ESCO1: variants seen among roughly 807,000 people sequenced by gnomAD.
The protein encoded by ESCO1 is N-acetyltransferase ESCO1.
Under a neutral mutation model 83.5 loss-of-function variants are expected in ESCO1, and 33 were observed. That is an observed-to-expected ratio of 0.40 (90% CI 0.30 to 0.53). ESCO1 has a LOEUF of 0.53. Among genes scored for constraint, ESCO1 ranks in the 20% least tolerant of loss-of-function variants. The probability of loss-of-function intolerance (pLI) is 0.63; values close to 1 mark genes in which losing one functional copy is unlikely to be tolerated. For synonymous variants in ESCO1, 332 were observed against 324.3 expected (o/e 1.02, Z -0.25); for missense variants, 855 against 968.0 (o/e 0.88, Z 1.55).
chr18:21,583,221 T>C (rs2038527751), intron 2 of ESCO1, among the ~76,000 whole-genome samples: 2 of 151,760 alleles, frequency 1.3e-5, no homozygotes, highest in African/African-American at 4.8e-5. Flanking sequence ...AAACTACTAA[T>C]AGTAAACAAT....
chr18:21,550,371 C>G (rs1342495874), intron 8 of ESCO1, among the ~76,000 whole-genome samples: 2 of 152,326 alleles, frequency 1.3e-5, no homozygotes, highest in East Asian at 3.9e-4. Context: ...AACCTTACGA[C>G]TATATGAATA....
intron 8 of ESCO1, among the ~76,000 whole-genome samples, chr18:21,555,213 T>C (rs565588155): frequency 6.6e-6 from 1 of 152,144 alleles, no homozygotes; most frequent in South Asian, 2.1e-4. Flanking sequence ...CTAGAAAAGG[T>C]AAAACTATGG....
chr18:21,573,641 A>C lies in ESCO1; in HGVS notation c.1203T>G (p.Ser401=). The C allele has an allele frequency of 6.2e-7, 1 of 1,614,170 alleles. No homozygotes were observed. The highest frequency in any genetic ancestry group is 8.5e-7 in the Non-Finnish European group (1 of 1,180,020). The change falls in exon 4 of 12, where the codon TCT becomes TCG. Residue 401 remains serine, a synonymous_variant. Coordinates refer to ENST00000269214, the MANE Select transcript of ESCO1 (RefSeq NM_052911.3). The part of the protein sequence containing the change: ...WTKIKLSKFN[S]VQHNKLDSQV... ...GAGAGTCCAACTTATTGTGCTGCAC[A>C]GAGTTAAATTTTGAGAGTTTAATTT...
chr18:21,569,508 G>A (rs1331128806), intron 4 of ESCO1, among the ~76,000 whole-genome samples: 1 of 152,220 alleles, frequency 6.6e-6, no homozygotes, highest in African/African-American at 2.4e-5. Context: ...CACTTTGGGA[G>A]GCCCAAGCAG....
At chr18:21,551,325 C>T (rs1242747935) in intron 8 of ESCO1, among the ~76,000 whole-genome samples, 2 of 151,480 alleles carry the variant, frequency 1.3e-5, no homozygotes, top group Non-Finnish European at 2.9e-5. Flanking sequence ...AAAAAATTAG[C>T]CAGGCGTAGT....
chr18:21,576,590 T>G (rs1365140531), intron 2 of ESCO1, among the ~76,000 whole-genome samples: 1 of 152,022 alleles, frequency 6.6e-6, no homozygotes, highest in African/African-American at 2.4e-5. Context: ...AATTTAGAAG[T>G]ACAGATGCTA....
chr18:21,540,481 T>G (rs2037891753), intron 8 of ESCO1: 1 of 999,022 alleles, frequency 1.0e-6, no homozygotes, highest in African/African-American at 1.8e-5. Context: ...AATGAACTGA[T>G]TTGCATGCAG....
At chr18:21,591,176 A>G (rs1483259628) in intron 1 of ESCO1, among the ~76,000 whole-genome samples, 3 of 152,338 alleles carry the variant, frequency 2.0e-5, no homozygotes, top group East Asian at 1.9e-4. Context: ...CCTAAATCCA[A>G]TAACAAATAT....
intron 1 of ESCO1, among the ~76,000 whole-genome samples, chr18:21,594,127 A>G (rs2038726301): frequency 6.6e-6 from 1 of 152,300 alleles, no homozygotes; most frequent in African/African-American, 2.4e-5. Context: ...ATCTCTAGAC[A>G]CTACAAAATG....
At chr18:21,560,760 C>G in intron 8 of ESCO1, 99 bp downstream of exon 8, 1 of 1,439,222 alleles carries the variant, frequency 6.9e-7, no homozygotes, top group African/African-American at 1.4e-5. Flanking sequence ...CTCTTAAAAA[C>G]ATAAATTTTT....
intron 8 of ESCO1, among the ~76,000 whole-genome samples, chr18:21,541,692 T>C (rs568543442): frequency 6.6e-6 from 1 of 152,102 alleles, no homozygotes; most frequent in East Asian, 1.9e-4. Context: ...ATCACCTCTT[T>C]AAAAACAAAT....
chr18:21,554,496 G>A (rs1294322257), intron 8 of ESCO1, among the ~76,000 whole-genome samples: 1 of 152,176 alleles, frequency 6.6e-6, no homozygotes, highest in African/African-American at 2.4e-5. Flanking sequence ...GCCCAGCTCA[G>A]TGGCTCATGC....
chr18:21,531,744 AG>A (rs1486573642), intron 11 of ESCO1, among the ~76,000 whole-genome samples: 1 of 151,830 alleles, frequency 6.6e-6, no homozygotes, highest in Non-Finnish European at 1.5e-5. Flanking sequence ...ACTTGAGACC[AG>A]GAGTTCGAGA....
At chr18:21,551,347 T>C (rs115847955) in intron 8 of ESCO1, among the ~76,000 whole-genome samples, 96 of 147,604 alleles carry the variant, frequency 6.5e-4, no homozygotes, top group African/African-American at 2.4e-3. Context: ...GCGGCACCTG[T>C]AGGAACCTGG....
chr18:21,561,346 G>T (rs2038183518), intron 7 of ESCO1, among the ~76,000 whole-genome samples: 1 of 152,142 alleles, frequency 6.6e-6, no homozygotes, highest in Non-Finnish European at 1.5e-5. Context: ...AGAGGAAAAA[G>T]TTTTTTTGAT....
chr18:21,548,630 T>G (rs1248088500), intron 8 of ESCO1, among the ~76,000 whole-genome samples: 1 of 151,504 alleles, frequency 6.6e-6, no homozygotes, highest in East Asian at 2.0e-4. Context: ...AATATCCATC[T>G]CAAAAAAAAT....
chr18:21,565,847 A>G (rs1029242555), intron 6 of ESCO1, among the ~76,000 whole-genome samples: 2 of 152,108 alleles, frequency 1.3e-5, no homozygotes, highest in Non-Finnish European at 2.9e-5. Flanking sequence ...CTGAGGCAGA[A>G]GGATCACTTG....
At chr18:21,588,253 C>T (rs565760260) in intron 1 of ESCO1, among the ~76,000 whole-genome samples, 1 of 152,110 alleles carries the variant, frequency 6.6e-6, no homozygotes, top group East Asian at 1.9e-4. Context: ...AGACCAGAAT[C>T]AAACCAAGTA....
At chr18:21,585,272 G>GA (rs751725757) in intron 1 of ESCO1, among the ~76,000 whole-genome samples, 106 of 151,736 alleles carry the variant, frequency 7.0e-4, no homozygotes, top group Non-Finnish European at 3.1e-4. Context: ...CTTTCCTTCT[G>GA]AAAAGATACC....
Sources: allele counts gnomAD v4.1 joint callset (sites outside exome capture counted in the v4.1 genomes callset), GRCh38; gene constraint gnomAD v4.1.1; transcripts MANE v1.5; gene names NCBI Gene and HGNC (gene_info 2026-07-23, HGNC 2026-07-21).